KIF5A: variants seen among roughly 807,000 people sequenced by gnomAD.
KIF5A encodes kinesin heavy chain isoform 5A.
In KIF5A, 35 loss-of-function variants were observed where a neutral mutation model predicts 141.3. The observed-to-expected ratio is 0.25, with a 90% CI of 0.19 to 0.33. The LOEUF is 0.33. Among genes scored for constraint, KIF5A ranks in the 10% least tolerant of loss-of-function variants. The pLI, the probability that KIF5A is intolerant of heterozygous loss-of-function variation, is 1.00. For synonymous variants in KIF5A, 448 were observed against 500.2 expected, an observed-to-expected ratio of 0.90 and a Z score of 1.39; for missense variants, 861 against 1,314.3, an observed-to-expected ratio of 0.66 and a Z score of 5.33.
intron 22 of KIF5A, 63 bp from the exon 23 acceptor site, chr12:57,578,175 C>T (rs1342167534): frequency 3.0e-5 from 47 of 1,584,070 alleles, no homozygotes; most frequent in Non-Finnish European, 4.1e-5. Flanking sequence ...CTGGCTTGGC[C>T]TGGTCTTGGT....
At chr12:57,554,432 C>G (rs532526718) in intron 1 of KIF5A, among the ~76,000 whole-genome samples, 102 of 152,318 alleles carry the variant, frequency 6.7e-4, no homozygotes, top group Non-Finnish European at 1.3e-3. Flanking sequence ...TGCTATCTCC[C>G]CACAAGCTAG....
rs905186435 is a variant in KIF5A at position 57,568,875 on chromosome 12, C to T, written c.715-88C>T. ...CATCTTCTTCCCTGTTCCTTCCTTC[C>T]TCCGTGGACTGAGCCCTGGAACGAG... On this transcript the variant is annotated intron_variant, in intron 8 of 28. Coordinates refer to ENST00000455537, the MANE Select transcript of KIF5A (RefSeq NM_004984.4). 4.8e-6 allele frequency: 4 copies of T among 838,260 alleles called. No homozygotes were observed. In the African/African-American group the frequency reaches 6.7e-5, roughly 14 times the overall value. 51.9% of individuals were successfully genotyped at this position (838,260 alleles called of 1,614,324 possible).
rs1882185819 is a variant in KIF5A at position 57,569,694 on chromosome 12, G to C, written c.1117+11G>C. On this transcript the variant is annotated intron_variant, in intron 11 of 28. Coordinates refer to ENST00000455537, the MANE Select transcript of KIF5A (RefSeq NM_004984.4). ...GCCGGTGGCGCAATGGTTAGAGAGGGATAGGTGGGAGTGAGGGGCAGTGGG... is the reference window on the plus strand; with the variant it reads ...GCCGGTGGCGCAATGGTTAGAGAGGCATAGGTGGGAGTGAGGGGCAGTGGG... 1 of 1,612,880 alleles carries C rather than the reference G, an allele frequency of 6.2e-7. No individual in the cohort carries two copies. The highest frequency in any genetic ancestry group is 1.3e-5 in the African/African-American group (1 of 74,862).
chr12:57,579,067 T>A (rs1033091706), intron 23 of KIF5A, among the ~76,000 whole-genome samples: 1 of 150,464 alleles, frequency 6.6e-6, no homozygotes, highest in Non-Finnish European at 1.5e-5. Flanking sequence ...CTGTTTCAAT[T>A]AAAAAAAAAT....
At chr12:57,582,065 C>A in intron 26 of KIF5A, 113 bp downstream of exon 26, 1 of 875,396 alleles carries the variant, frequency 1.1e-6, no homozygotes, top group Non-Finnish European at 1.9e-6. Flanking sequence ...TTCTGGTGTG[C>A]CAAGGCTTCA....
At chr12:57,556,786 T>C (rs1044705188) in intron 1 of KIF5A, among the ~76,000 whole-genome samples, 2 of 152,104 alleles carry the variant, frequency 1.3e-5, no homozygotes, top group African/African-American at 4.8e-5. Flanking sequence ...ATAGAGATTG[T>C]TGGTGGGAAA....
intron 6 of KIF5A, among the ~76,000 whole-genome samples, chr12:57,565,976 G>A (rs1882052009): frequency 6.6e-6 from 1 of 151,384 alleles, no homozygotes; most frequent in Non-Finnish European, 1.5e-5. Flanking sequence ...GCACACACCT[G>A]TAGTCCCAGC....
chr12:57,576,434 T>A, intron 19 of KIF5A, 56 bp downstream of exon 19: 1 of 1,297,334 alleles, frequency 7.7e-7, no homozygotes. Context: ...CCTTGCTGTA[T>A]TGACTCACAT....
chr12:57,551,250 CTACGTA>C (rs986761027), intron 1 of KIF5A, among the ~76,000 whole-genome samples: 1 of 152,180 alleles, frequency 6.6e-6, no homozygotes, highest in African/African-American at 2.4e-5. Flanking sequence ...GCCTGTTACT[CTACGTA>C]TATTATTTAA....
intron 28 of KIF5A, among the ~76,000 whole-genome samples, 198 bp downstream of exon 28, chr12:57,583,413 G>A (rs1297390122): frequency 6.6e-6 from 1 of 151,966 alleles, no homozygotes; most frequent in Non-Finnish European, 1.5e-5. Flanking sequence ...TTGACCTCCC[G>A]TGCCCCCTTT....
Position 57,572,327 on chromosome 12 carries a change from G to A in KIF5A, c.1569+60G>A. Reference sequence around the variant, plus strand: ...ACCACAGAACATCTCCCATGTCGAGGGGACCTCTGCATCCTTCCAGGGCTG... The same window carrying A: ...ACCACAGAACATCTCCCATGTCGAGAGGACCTCTGCATCCTTCCAGGGCTG... On this transcript the variant is annotated intron_variant, in intron 14 of 28. Coordinates refer to ENST00000455537, the MANE Select transcript of KIF5A (RefSeq NM_004984.4). This position sits in a 1 kb window ranked among gnomAD's most constrained non-coding sequence, Gnocchi z 4.2. 5 of 1,515,504 alleles carry A rather than the reference G, an allele frequency of 3.3e-6. No homozygotes were observed. The highest frequency in any genetic ancestry group is 4.5e-6 in the Non-Finnish European group (5 of 1,114,174). The allele number at this position is 1,515,504 out of a possible 1,614,324, so 93.9% of individuals were successfully genotyped here.
At chr12:57,564,324 G>A (rs1881999156) in intron 4 of KIF5A, 112 bp downstream of exon 4, 1 of 1,086,388 alleles carries the variant, frequency 9.2e-7, no homozygotes, top group Non-Finnish European at 1.4e-6. Context: ...CCGGTTACCA[G>A]AGTTCTTTGT....
chr12:57,555,908 CA>C (rs763843453), intron 1 of KIF5A, among the ~76,000 whole-genome samples: 149 of 92,278 alleles, frequency 1.6e-3, no homozygotes, highest in African/African-American at 4.0e-3. Context: ...AACTCTATCT[CA>C]AAAAAAAAAA....
At chr12:57,580,690 T>C (rs1003912811) in intron 23 of KIF5A, among the ~76,000 whole-genome samples, 1 of 152,220 alleles carries the variant, frequency 6.6e-6, no homozygotes, top group Non-Finnish European at 1.5e-5. Context: ...GCAGTGGAGA[T>C]GGCAGGTTTT....
intron 1 of KIF5A, among the ~76,000 whole-genome samples, chr12:57,560,800 G>C (rs1021356063): frequency 7.3e-5 from 11 of 151,630 alleles, no homozygotes; most frequent in African/African-American, 2.4e-4. Flanking sequence ...CCAGGAGTTT[G>C]AGACCAGCCC....
At chr12:57,569,857 C>G (rs919335910) in intron 11 of KIF5A, 130 bp from the exon 12 acceptor site, 1 of 1,366,514 alleles carries the variant, frequency 7.3e-7, no homozygotes, top group Non-Finnish European at 9.9e-7. Flanking sequence ...GACTACCTAC[C>G]TCCCATACTC....
In KIF5A at chr12:57,585,868, G is replaced by A. The variant is rs948477077; in HGVS notation, c.*1687G>A. ...GTTTTTCAAAAACAAATCTTACATA[G>A]AACCCCAATATAAAAAATAAAGTAA... On this transcript the variant is annotated 3_prime_UTR_variant, in exon 29 of 29. Transcript: ENST00000455537. The A allele has an allele frequency of 2.0e-5, 3 of 149,434 alleles. No individual in the cohort carries two copies. The highest frequency in any genetic ancestry group is 6.7e-5 in the Admixed American group (1 of 15,030). 9.3% of individuals were successfully genotyped at this position (149,434 alleles called of 1,614,324 possible). A position where few individuals can be genotyped will look rare whatever the true frequency, so the allele number is the denominator to read the frequency against.
rs186409784 is a variant in KIF5A, at chr12:57,571,173, C to A, written c.1294-148C>A. ...TTGGCCTTGAACTCCTGGCTTCAAC[C>A]GATCTTCCTGTAGGATATGGGGTTT... On this transcript the variant is annotated intron_variant, in intron 12 of 28. Transcript: ENST00000455537. The A allele has an allele frequency of 3.3e-4, 223 of 674,236 alleles. No individual in the cohort carries two copies. The African/African-American group carries it at 3.5e-3, about 10-fold the overall frequency. The allele number at this position is 674,236 out of a possible 1,614,324, so 41.8% of individuals were successfully genotyped here.
intron 23 of KIF5A, among the ~76,000 whole-genome samples, chr12:57,579,592 A>G (rs1309730321): frequency 1.3e-5 from 2 of 152,112 alleles, no homozygotes; most frequent in Admixed American, 6.5e-5. Context: ...GGGCTTTGCT[A>G]CGATTTTATT....
Sources: gnomAD v4.1 joint callset for allele counts (sites outside exome capture counted in the v4.1 genomes callset) on GRCh38, gnomAD v4.1.1 for gene constraint, Gnocchi (gnomAD v3.1) non-coding constraint, MANE v1.5 for transcripts, NCBI Gene and HGNC (gene_info 2026-07-23, HGNC 2026-07-21) for gene names.